Variants in SLC28A1 observed in about 807,000 individuals in gnomAD.
SLC28A1 encodes the protein solute carrier family 28 member 1.
SLC28A1 carries 64 observed loss-of-function variants against 74.8 expected under a neutral mutation model. The ratio of observed to expected loss-of-function variants is 0.86; its 90% confidence interval spans 0.70 to 1.05. The LOEUF (loss-of-function observed/expected upper bound fraction) is 1.05, where lower values mean the gene tolerates loss of function less well. SLC28A1 is among the 50% of genes least tolerant of loss of function. The pLI, the probability that SLC28A1 is intolerant of heterozygous loss-of-function variation, is 0.00. For synonymous variants in SLC28A1, 359 were observed against 335.0 expected (o/e 1.07, Z -0.78); for missense variants, 828 against 822.8 (o/e 1.01, Z -0.08).
chr15:84,913,434 A>G (rs930929689), intron 9 of SLC28A1, among the ~76,000 whole-genome samples: 1 of 152,190 alleles, frequency 6.6e-6, no homozygotes. Context: ...TTCTTGGCCC[A>G]GGTGATGAAG....
chr15:84,967,600 T>C, the SLC28A1 span, among the ~76,000 whole-genome samples: 3 of 152,170 alleles, frequency 2.0e-5, no homozygotes, highest in Admixed American at 2.0e-4. Flanking sequence ...CTAGAAAAAG[T>C]TGCATCAGCC....
At chr15:84,926,458 C>A in intron 12 of SLC28A1, 3 of 427,890 alleles carry the variant, frequency 7.0e-6, no homozygotes, top group Non-Finnish European at 4.7e-6. Context: ...CTGCCTTGGC[C>A]TCCCAAAATA....
the SLC28A1 span, among the ~76,000 whole-genome samples, chr15:84,951,117 T>C: frequency 4.6e-5 from 7 of 152,144 alleles, no homozygotes; most frequent in African/African-American, 1.7e-4. Context: ...GCTTGGACCA[T>C]GAAGACAAAG....
chr15:84,944,868 G>T lies in SLC28A1; in HGVS notation c.1874+1G>T, dbSNP rs370280905. On this transcript the variant is annotated splice_donor_variant, in intron 18 of 18. Coordinates refer to ENST00000394573, the MANE Select transcript of SLC28A1 (RefSeq NM_004213.5). LOFTEE classifies it high-confidence loss of function. ...AGTGCTGCCGTGAGGCCTTCCAGAGGTGAGGGCCTGGGCTGTGGGACCTGC... is the reference window on the plus strand; with the variant it reads ...AGTGCTGCCGTGAGGCCTTCCAGAGTTGAGGGCCTGGGCTGTGGGACCTGC... 8.8e-6 allele frequency: 14 copies of T among 1,599,804 alleles called. No homozygotes were observed. The highest frequency in any genetic ancestry group is 2.7e-5 in the African/African-American group (2 of 74,770).
rs72754929 is a variant in SLC28A1, at chr15:84,923,477, C to T, written c.958-508C>T. Among the ~76,000 whole-genome samples, 263 of 152,276 alleles carry T rather than the reference C, an allele frequency of 1.7e-3. 1 individual carries two copies. The highest frequency in any genetic ancestry group is 2.8e-3 in the Non-Finnish European group (193 of 68,032). Reference sequence around the variant, plus strand: ...ACAGTAGGCGCTCAACAACTAGATACTGAATGAGTAATGAAGGGCTTCGGG... The same window carrying T: ...ACAGTAGGCGCTCAACAACTAGATATTGAATGAGTAATGAAGGGCTTCGGG... On this transcript the variant is annotated intron_variant, in intron 11 of 18. Transcript: ENST00000394573.
chr15:84,886,660 G>T lies in SLC28A1; in HGVS notation c.-132-12G>T. 1 of 985,524 alleles carries T rather than the reference G, an allele frequency of 1.0e-6. No homozygotes were observed. The highest frequency in any genetic ancestry group is 1.2e-6 in the Non-Finnish European group (1 of 829,966). 61.0% of individuals were successfully genotyped at this position (985,524 alleles called of 1,614,324 possible). A position where few individuals can be genotyped will look rare whatever the true frequency, so the allele number is the denominator to read the frequency against. On this transcript the variant is annotated splice_polypyrimidine_tract_variant and intron_variant, in intron 1 of 18. Transcript: ENST00000394573. ...GCAGGCCCAACCTACTCCGACCCTG[G>T]ACTCTGCCCAGGAATTTCTGCTGAA...
intron 12 of SLC28A1, among the ~76,000 whole-genome samples, chr15:84,930,191 A>T (rs913068595): frequency 6.6e-6 from 1 of 152,230 alleles, no homozygotes; most frequent in African/African-American, 2.4e-5. Context: ...TGTAATCTAC[A>T]AGTCAGAGGA....
chr15:84,908,645 T>C (rs540980620), intron 8 of SLC28A1, 73 bp from the exon 9 acceptor site: 1 of 1,322,044 alleles, frequency 7.6e-7, no homozygotes, highest in South Asian at 1.2e-5. Context: ...CGCCTGTCTC[T>C]GGCCGCTGCT....
chr15:84,963,358 C>G, the SLC28A1 span, among the ~76,000 whole-genome samples: 1 of 152,122 alleles, frequency 6.6e-6, no homozygotes, highest in Non-Finnish European at 1.5e-5. Context: ...CTTGTGTTTC[C>G]CTGGACAGGG....
the SLC28A1 span, chr15:84,975,563 G>T: frequency 2.2e-6 from 1 of 456,184 alleles, no homozygotes; most frequent in Non-Finnish European, 4.4e-6. Context: ...GTGCTTCATT[G>T]TTAAGTATCT....
At chr15:84,895,150 G>C in intron 6 of SLC28A1, 27 bp downstream of exon 6, 1 of 1,612,208 alleles carries the variant, frequency 6.2e-7, no homozygotes, top group South Asian at 1.1e-5. Context: ...CCCCGAGGCA[G>C]GGCAGGGGAG....
chr15:84,889,353 G>T (rs532758353), intron 4 of SLC28A1, among the ~76,000 whole-genome samples: 1 of 152,296 alleles, frequency 6.6e-6, no homozygotes, highest in South Asian at 2.1e-4. Context: ...GGCCATCTGG[G>T]TCCTTGTTGG....
chr15:84,889,655 C>CCT, intron 4 of SLC28A1, among the ~76,000 whole-genome samples: 1 of 149,976 alleles, frequency 6.7e-6, no homozygotes, highest in African/African-American at 2.5e-5. Flanking sequence ...TTTCCTTTTT[C>CCT]TTTTCTTTCC....
In SLC28A1 at chr15:84,944,597, C is replaced by A; in HGVS notation, c.1695C>A (p.Phe565Leu). The A allele has an allele frequency of 2.5e-6, 4 of 1,614,022 alleles. No individual in the cohort carries two copies. The highest frequency in any genetic ancestry group is 3.4e-6 in the Non-Finnish European group (4 of 1,179,872). The change falls in exon 17 of 19, where the codon TTC becomes TTA. Residue 565 changes from phenylalanine (F) to leucine (L), a missense_variant. Transcript: ENST00000394573. The part of the protein sequence containing the change: ...TSMVPQRKSD[F>L]SQIVLRALFT... ...TGGTCCCCCAACGGAAGAGCGACTT[C>A]TCCCAGATAGTGCTCCGGGCGCTCT...
In SLC28A1 at chr15:84,907,963, T is replaced by C. The variant is rs146440546; in HGVS notation, c.718-755T>C. 9.5e-4 allele frequency among the ~76,000 whole-genome samples: 145 copies of C among 152,210 alleles called. 3 individuals are homozygous for C. In the East Asian group the frequency reaches 0.021, roughly 22 times the overall value. On this transcript the variant is annotated intron_variant, in intron 8 of 18. Coordinates refer to ENST00000394573, the MANE Select transcript of SLC28A1 (RefSeq NM_004213.5). ...ATGACTTGCTGCCCCTGCAGTCACA[T>C]TGCAAGTTCAGGATATAACACAGGT...
the SLC28A1 span, among the ~76,000 whole-genome samples, chr15:84,954,824 C>G: frequency 6.6e-6 from 1 of 152,132 alleles, no homozygotes; most frequent in Non-Finnish European, 1.5e-5. Context: ...TGCAAATTTT[C>G]TAACACTCCT....
the SLC28A1 span, among the ~76,000 whole-genome samples, chr15:84,971,145 A>G: frequency 1.3e-5 from 2 of 152,228 alleles, no homozygotes; most frequent in Admixed American, 1.3e-4. Context: ...ATCCCTGTCA[A>G]TGAGACTGTA....
chr15:84,961,788 G>T, the SLC28A1 span, among the ~76,000 whole-genome samples: 1 of 152,198 alleles, frequency 6.6e-6, no homozygotes, highest in African/African-American at 2.4e-5. Flanking sequence ...GCCAGGTAAA[G>T]TCACTAACTA....
At chr15:84,962,429 G>C in the SLC28A1 span, among the ~76,000 whole-genome samples, 5 of 151,842 alleles carry the variant, frequency 3.3e-5, no homozygotes, top group African/African-American at 1.2e-4. Context: ...AAGAAAGAAA[G>C]GGTGGGCCTA....
Sources: gnomAD v4.1 joint callset for allele counts (sites outside exome capture counted in the v4.1 genomes callset) on GRCh38, gnomAD v4.1.1 for gene constraint, MANE v1.5 for transcripts, NCBI Gene and HGNC (gene_info 2026-07-23, HGNC 2026-07-21) for gene names.